SLC36A3: variants seen among roughly 807,000 people sequenced by gnomAD.
SLC36A3 encodes solute carrier family 36 member 3.
SLC36A3 carries 35 observed loss-of-function variants against 44.3 expected under a neutral mutation model. The ratio of observed to expected loss-of-function variants is 0.79; its 90% CI spans 0.60 to 1.05. SLC36A3 has a LOEUF of 1.05. Ranked by LOEUF, SLC36A3 falls within the 50% of genes least tolerant of loss-of-function variation. SLC36A3 has a pLI of 0.00. For synonymous variants in SLC36A3, 211 were observed against 227.6 expected (o/e 0.93, Z 0.66); for missense variants, 540 against 578.7 (o/e 0.93, Z 0.69).
At position 151,277,342 on chromosome 5, in the gene SLC36A3, G is replaced by A. The variant is rs540153333; in HGVS notation, c.*51C>T. ...GAAGGTATATAACATCCACATGGAA[G>A]TCAAACTGGGGATGGGAGGAAGGGA... On this transcript the variant is annotated 3_prime_UTR_variant, in exon 10 of 10. Coordinates refer to ENST00000335230, the MANE Select transcript of SLC36A3 (RefSeq NM_181774.4). 66 of 1,600,936 alleles carry A rather than the reference G, an allele frequency of 4.1e-5. 1 individual carries two copies. The South Asian group carries it at 4.9e-4, about 12-fold the overall frequency.
At chr5:151,293,780 G>T (rs1315447309) in intron 3 of SLC36A3, among the ~76,000 whole-genome samples, 1 of 152,228 alleles carries the variant, frequency 6.6e-6, no homozygotes, top group Admixed American at 6.5e-5. Context: ...GAGGGGAAGA[G>T]GTGGTGTGGG....
chr5:151,284,493 A>T, intron 7 of SLC36A3, 120 bp downstream of exon 7: 1 of 800,822 alleles, frequency 1.2e-6, no homozygotes, highest in Admixed American at 2.8e-5. Flanking sequence ...CTTTCCCTTC[A>T]CCAGGAGAAG....
intron 1 of SLC36A3, among the ~76,000 whole-genome samples, chr5:151,299,269 T>TATATATATATATATAC (rs1755086473): frequency 2.6e-5 from 2 of 76,328 alleles, no homozygotes; most frequent in African/African-American, 1.3e-4. Flanking sequence ...TCTCTCTATA[T>TATATATATATATATAC]ATATATATAT....
rs766473608 is a variant in SLC36A3 at position 151,277,451 on chromosome 5, T to C, written c.1355A>G (p.Tyr452Cys). Residue 452 changes from tyrosine to cysteine, a missense_variant, in exon 10 of 10, where the codon TAT (tyrosine) becomes TGT (cysteine). Tyr to Cys is a radical substitution (Grantham distance 194, BLOSUM62 -2). Coordinates refer to ENST00000335230, the MANE Select transcript of SLC36A3 (RefSeq NM_181774.4). ...GCIFGTYQAL[Y>C]ELPQPISHSM... ...ATGGCTGATGGGTTGGGGCAACTCA[T>C]AGAGGGCTTGGTATGTCCCAAATAT... 1.4e-5 allele frequency: 23 copies of C among 1,614,154 alleles called. No homozygotes were observed. The East Asian group carries it at 4.9e-4, about 34-fold the overall frequency.
At chr5:151,294,829 A>T (rs1473050953) in intron 3 of SLC36A3, among the ~76,000 whole-genome samples, 1 of 151,978 alleles carries the variant, frequency 6.6e-6, no homozygotes, top group Non-Finnish European at 1.5e-5. Flanking sequence ...GGGTTTCTGT[A>T]TGTTGGTCAG....
intron 8 of SLC36A3, among the ~76,000 whole-genome samples, chr5:151,282,117 T>G (rs1211355172): frequency 7.2e-6 from 1 of 139,138 alleles, no homozygotes; most frequent in African/African-American, 2.8e-5. Context: ...CTTTGTTTTT[T>G]TTTTTTTTTT....
intron 3 of SLC36A3, 133 bp from the exon 4 acceptor site, chr5:151,293,592 A>G: frequency 2.9e-6 from 2 of 688,314 alleles, no homozygotes; most frequent in Non-Finnish European, 4.7e-6. Context: ...CCAGTGATCT[A>G]CTTTATACTT....
intron 2 of SLC36A3, chr5:151,296,940 C>T (rs1274829239): frequency 6.6e-6 from 1 of 152,302 alleles, no homozygotes; most frequent in Non-Finnish European, 1.5e-5. Context: ...AAAAGTGGGG[C>T]TGATTACTAA....
chr5:151,279,565 T>C (rs1197398057), intron 9 of SLC36A3, among the ~76,000 whole-genome samples: 1 of 152,190 alleles, frequency 6.6e-6, no homozygotes, highest in Non-Finnish European at 1.5e-5. Flanking sequence ...GTCAACTGTC[T>C]CTAGTCATGC....
At chr5:151,299,229 T>G (rs970390909) in intron 1 of SLC36A3, among the ~76,000 whole-genome samples, 106 of 54,934 alleles carry the variant, frequency 1.9e-3, no homozygotes, top group Middle Eastern at 9.4e-3. Flanking sequence ...TTGTGCGCTC[T>G]CTCTCTCTCT....
intron 3 of SLC36A3, among the ~76,000 whole-genome samples, chr5:151,295,723 C>A (rs1030412131): frequency 6.6e-6 from 1 of 152,110 alleles, no homozygotes; most frequent in Admixed American, 6.5e-5. Flanking sequence ...TGACTGAAAT[C>A]ATTGTGAAGA....
At chr5:151,288,289 TCTC>T in intron 5 of SLC36A3, 94 bp downstream of exon 5, 1 of 860,476 alleles carries the variant, frequency 1.2e-6, no homozygotes, top group Non-Finnish European at 1.7e-6. Flanking sequence ...AATGAAGTTC[TCTC>T]CTCCCATGAG....
chr5:151,294,737 C>A lies in SLC36A3; in HGVS notation c.309-1278G>T, dbSNP rs902901439. 5.9e-5 allele frequency among the ~76,000 whole-genome samples: 9 copies of A among 151,942 alleles called. No homozygotes were observed. In the East Asian group the frequency reaches 1.6e-3, roughly 26 times the overall value. On this transcript the variant is annotated intron_variant, in intron 3 of 9. Coordinates refer to ENST00000335230, the MANE Select transcript of SLC36A3 (RefSeq NM_181774.4). ...CTCCGCCTCCCGGGTTCAAGCGATT[C>A]TCCTGCCTCAGCCTCCCGAGTAGCT...
Position 151,293,404 on chromosome 5 carries a change from A to G in SLC36A3, c.364T>C (p.Cys122Arg). 6.2e-7 allele frequency: 1 copy of G among 1,613,898 alleles called. No homozygotes were observed. Among genetic ancestry groups the G allele is most frequent in the South Asian group, 1.1e-5 (1 of 90,990 alleles). The change falls in exon 4 of 10, where the codon TGC becomes CGC. Residue 122 changes from cysteine (C) to arginine (R), a missense_variant. Coordinates refer to ENST00000335230, the MANE Select transcript of SLC36A3 (RefSeq NM_181774.4). ...TGGGCCCTCAGCCAGGTGTTCGGGC[A>G]GGTTTCAAGGCCGTACATCGTGGCC... ...GEATMYGLET[C>R]PNTWLRAHAV...
At chr5:151,287,877 A>G (rs1754602826) in intron 5 of SLC36A3, among the ~76,000 whole-genome samples, 1 of 152,228 alleles carries the variant, frequency 6.6e-6, no homozygotes, top group South Asian at 2.1e-4. Context: ...AATATTGGTC[A>G]GTATCCATCT....
rs1292103060 is a variant in SLC36A3, at chr5:151,293,461, TA to T, written c.309-3del. The T allele has an allele frequency of 1.4e-5, 23 of 1,610,342 alleles. No individual in the cohort carries two copies. The highest frequency in any genetic ancestry group is 2.0e-5 in the Non-Finnish European group (23 of 1,177,966). On this transcript the variant is annotated splice_polypyrimidine_tract_variant and splice_region_variant and intron_variant, in intron 3 of 9. Coordinates refer to ENST00000335230, the MANE Select transcript of SLC36A3 (RefSeq NM_181774.4). ...TAGTTCACAAAAGTCTTCTGCAGTC[TA>T]GGGGGAAAGAACAAACAATGCATAA...
intron 1 of SLC36A3, among the ~76,000 whole-genome samples, chr5:151,299,863 A>T (rs1755110891): frequency 6.6e-6 from 1 of 152,228 alleles, no homozygotes; most frequent in African/African-American, 2.4e-5. Context: ...GGAATCATGA[A>T]GTGCTTCACA....
At position 151,284,098 on chromosome 5, in the gene SLC36A3, A is replaced by G. The variant is rs755496285; in HGVS notation, c.920T>C (p.Met307Thr). ...LYILLGTLGY[M>T]KFGSDTQASI... ...GGCCTGGGTGTCTGACCCAAACTTC[A>G]TGTAGCCCAGTGTCCCCAGTAAGAT... Residue 307 changes from methionine to threonine, a missense_variant, in exon 8 of 10, where the codon ATG becomes ACG. Met to Thr is a moderately conservative substitution (Grantham distance 81). Coordinates refer to ENST00000335230, the MANE Select transcript of SLC36A3 (RefSeq NM_181774.4). The G allele has an allele frequency of 1.2e-6, 2 of 1,614,090 alleles. No individual in the cohort carries two copies. Among genetic ancestry groups the G allele is most frequent in the Non-Finnish European group, 1.7e-6 (2 of 1,179,998 alleles).
intron 3 of SLC36A3, among the ~76,000 whole-genome samples, chr5:151,294,533 T>C (rs1299238944): frequency 6.6e-6 from 1 of 152,062 alleles, no homozygotes; most frequent in Non-Finnish European, 1.5e-5. Context: ...AAATGAAGGC[T>C]CAGAAGCAGT....
Sources: gnomAD v4.1 joint callset for allele counts (sites outside exome capture counted in the v4.1 genomes callset) on GRCh38, gnomAD v4.1.1 for gene constraint, MANE v1.5 for transcripts, NCBI Gene and HGNC (gene_info 2026-07-23, HGNC 2026-07-21) for gene names.